Variants in PROX1 observed in about 807,000 individuals in gnomAD.
The protein encoded by PROX1 is prospero homeobox 1.
Under a neutral mutation model 58.8 loss-of-function variants are expected in PROX1, and 7 were observed. That is an observed-to-expected ratio of 0.12 (90% CI 0.07 to 0.22). PROX1 has a LOEUF of 0.22. Ranked by LOEUF, PROX1 falls within the 10% of genes least tolerant of loss-of-function variation. The pLI, the probability that PROX1 is intolerant of heterozygous loss-of-function variation, is 1.00. For missense variants in PROX1, 675 were observed against 927.8 expected (o/e 0.73, Z 3.54); for synonymous variants, 350 against 358.3 (o/e 0.98, Z 0.26).
At chr1:214,033,142 C>CCTTCTCTGG (rs1430753536) in intron 4 of PROX1, among the ~76,000 whole-genome samples, 1 of 152,188 alleles carries the variant, frequency 6.6e-6, no homozygotes, top group African/African-American at 2.4e-5. Context: ...GGGCTTCCGG[C>CCTTCTCTGG]CTTCTCTGGC....
rs1371253016 is a variant in PROX1, at chr1:214,038,640, C to G, written c.*2806C>G. On this transcript the variant is annotated 3_prime_UTR_variant, in exon 5 of 5. Coordinates refer to ENST00000366958, the MANE Select transcript of PROX1 (RefSeq NM_001270616.2). ...GTCTGTGCCTAGACCTAAAATGCAC[C>G]AGCGGGGGGGATTTTAAAAAATCCT... The G allele has an allele frequency of 6.6e-6, 1 of 152,086 alleles. No homozygotes were observed. Among genetic ancestry groups the G allele is most frequent in the Non-Finnish European group, 1.5e-5 (1 of 68,002 alleles). 9.4% of individuals were successfully genotyped at this position (152,086 alleles called of 1,614,324 possible).
chr1:214,026,861 G>A (rs1664476044), intron 4 of PROX1, among the ~76,000 whole-genome samples: 1 of 152,100 alleles, frequency 6.6e-6, no homozygotes, highest in Middle Eastern at 3.2e-3. Flanking sequence ...GCTTTTCCAT[G>A]GAGTTTCCCT....
At chr1:213,994,637 T>G (rs1663174404) in intron 1 of PROX1, among the ~76,000 whole-genome samples, 1 of 151,254 alleles carries the variant, frequency 6.6e-6, no homozygotes, top group Admixed American at 6.6e-5. Context: ...TCTCAATCAT[T>G]CTGAATTCAA....
intron 2 of PROX1, among the ~76,000 whole-genome samples, chr1:213,998,807 G>A (rs1342673680): frequency 6.6e-6 from 1 of 152,048 alleles, no homozygotes; most frequent in African/African-American, 2.4e-5. Context: ...TTTACAAGTG[G>A]GAGGTTGAGG....
At chr1:214,022,954 G>A (rs1324030986) in intron 4 of PROX1, among the ~76,000 whole-genome samples, 1 of 152,186 alleles carries the variant, frequency 6.6e-6, no homozygotes, top group Non-Finnish European at 1.5e-5. Context: ...CTACCCTGGT[G>A]ACTCTGCTGC....
At chr1:214,025,206 C>A (rs1359905854) in intron 4 of PROX1, among the ~76,000 whole-genome samples, 1 of 152,220 alleles carries the variant, frequency 6.6e-6, no homozygotes, top group Non-Finnish European at 1.5e-5. Context: ...TTTATTAACT[C>A]TGTTCCCGTA....
At chr1:214,033,702 T>C (rs1360882345) in intron 4 of PROX1, among the ~76,000 whole-genome samples, 2 of 152,242 alleles carry the variant, frequency 1.3e-5, no homozygotes, top group African/African-American at 4.8e-5. Context: ...TTCACTGTTC[T>C]CCAGCCACAT....
intron 2 of PROX1, 51 bp from the exon 3 acceptor site, chr1:214,005,114 G>A: frequency 1.4e-6 from 2 of 1,433,926 alleles, no homozygotes; most frequent in Non-Finnish European, 2.0e-6. Flanking sequence ...GGAGGGAGGT[G>A]GGAGTCCTTG....
At chr1:213,985,392 C>A (rs972299194), upstream of PROX1, 1 of 152,370 alleles carries the variant, frequency 6.6e-6, no homozygotes, top group South Asian at 2.1e-4. Flanking sequence ...TACGCCTCCC[C>A]GACAGTAGAG....
At chr1:213,998,565 C>A (rs929719133) in intron 2 of PROX1, among the ~76,000 whole-genome samples, 18 of 151,850 alleles carry the variant, frequency 1.2e-4, no homozygotes, top group Non-Finnish European at 1.2e-4. Context: ...ATCTTCTTAT[C>A]CCTATCTCTT....
In PROX1 at chr1:214,040,908, A is replaced by G. The variant is rs1263944839; in HGVS notation, c.*5074A>G. 6.6e-6 allele frequency: 1 copy of G among 152,150 alleles called. No homozygotes were observed. Among genetic ancestry groups the G allele is most frequent in the Non-Finnish European group, 1.5e-5 (1 of 68,012 alleles). 9.4% of individuals were successfully genotyped at this position (152,150 alleles called of 1,614,324 possible). A position where few individuals can be genotyped will look rare whatever the true frequency, so the allele number is the denominator to read the frequency against. On this transcript the variant is annotated 3_prime_UTR_variant, in exon 5 of 5. Transcript: ENST00000366958. ...TGTATTACCAAGGATGTACTGTAAT[A>G]TTAATTGATATGATAAACACAATGA...
chr1:214,009,838 C>A (rs1246234441), intron 3 of PROX1, among the ~76,000 whole-genome samples: 1 of 152,110 alleles, frequency 6.6e-6, no homozygotes, highest in Admixed American at 6.6e-5. Context: ...AATTTTCATT[C>A]CCCAGTGCAC....
Position 214,002,281 on chromosome 1 carries a change from G to A in PROX1, c.1726-2884G>A, listed in dbSNP as rs1023870765. On this transcript the variant is annotated intron_variant, in intron 2 of 4. Transcript: ENST00000366958. ...GTACTTGGTAAACAGACAACACTTA[G>A]GTTCTCAGGTTGTTTGAACACTGCT... Among the ~76,000 whole-genome samples the A allele has an allele frequency of 4.6e-5, 7 of 152,156 alleles. No homozygotes were observed. The South Asian group carries it at 1.5e-3, about 32-fold the overall frequency.
Position 213,997,792 on chromosome 1 carries a change from C to A in PROX1, c.1257C>A (p.Asn419Lys), listed in dbSNP as rs780296257. ...GCTTTGGCGACGTCATCATTCCGAA[C>A]CCCCTGGACACCTTTGGCAATGTGC... Reference protein sequence around the residue: ...LQCFGDVIIPNPLDTFGNVQM... With the variant: ...LQCFGDVIIPKPLDTFGNVQM... Residue 419 changes from asparagine to lysine, a missense_variant, in exon 2 of 5, where the codon AAC becomes AAA. Around this residue, in one of 8 missense-constraint regions of PROX1, gnomAD observed 403 missense variants for 477.4 expected, o/e 0.84. Transcript: ENST00000366958. The surrounding 1 kb of genome is among the most constrained non-coding windows in gnomAD (Gnocchi z 7.1). 2 of 1,614,238 alleles carry A rather than the reference C, an allele frequency of 1.2e-6. No individual in the cohort carries two copies. Among genetic ancestry groups the A allele is most frequent in the South Asian group, 1.1e-5 (1 of 91,086 alleles).
upstream of PROX1, chr1:213,987,688 C>T (rs934003937): frequency 1.7e-4 from 23 of 136,976 alleles, no homozygotes; most frequent in African/African-American, 6.2e-4. Context: ...ATCCAGTCGT[C>T]CCGAAGCTGT....
chr1:213,998,177 G>A lies in PROX1; in HGVS notation c.1642G>A (p.Glu548Lys), dbSNP rs1663355924. 1.2e-6 allele frequency: 2 copies of A among 1,613,682 alleles called. No individual in the cohort carries two copies. Among genetic ancestry groups the A allele is most frequent in the Non-Finnish European group, 1.7e-6 (2 of 1,179,782 alleles). ...ACCAGCACACCCGCCCAGCACCGCC[G>A]AAGGGCTCTCCTTGTCGCTCATAAA... ...CSPAHPPSTA[E>K]GLSLSLIKSE... The change falls in exon 2 of 5, where the codon GAA becomes AAA. Residue 548 changes from glutamate (E) to lysine (K), a missense_variant. Transcript: ENST00000366958.
chr1:214,005,922 G>A (rs1173390171), intron 3 of PROX1, among the ~76,000 whole-genome samples: 1 of 151,700 alleles, frequency 6.6e-6, no homozygotes, highest in African/African-American at 2.4e-5. Context: ...GGGACCTCCT[G>A]GTTCTCTCTG....
chr1:214,035,630 T>C lies in PROX1; in HGVS notation c.2029-19T>C, dbSNP rs1489575357. 1 of 1,593,108 alleles carries C rather than the reference T, an allele frequency of 6.3e-7. No homozygotes were observed. Among genetic ancestry groups the C allele is most frequent in the Non-Finnish European group, 8.6e-7 (1 of 1,168,932 alleles). ...AAACTGAAAACTTTATTAATGCCAT[T>C]GTCTCCTTGTATCAGCAGGTTCCAG... On this transcript the variant is annotated intron_variant, in intron 4 of 4. Coordinates refer to ENST00000366958, the MANE Select transcript of PROX1 (RefSeq NM_001270616.2).
chr1:214,003,412 A>T (rs940032215), intron 2 of PROX1, among the ~76,000 whole-genome samples: 24 of 152,178 alleles, frequency 1.6e-4, no homozygotes, highest in Non-Finnish European at 3.1e-4. Flanking sequence ...ATTTGGACAG[A>T]TGGTCCTGAA....
Sources: allele counts gnomAD v4.1 joint callset (sites outside exome capture counted in the v4.1 genomes callset), GRCh38; gene constraint gnomAD v4.1.1; regional missense constraint gnomAD v4.1.1; non-coding constraint Gnocchi (gnomAD v3.1); transcripts MANE v1.5; gene names NCBI Gene and HGNC (gene_info 2026-07-23, HGNC 2026-07-21).